The following EGFLAM variants were observed in gnomAD, a reference collection of about 807,000 sequenced individuals.
EGFLAM encodes pikachurin.
Under a neutral mutation model 113.1 loss-of-function variants are expected in EGFLAM, and 79 were observed. The observed-to-expected ratio is 0.70, with a 90% CI of 0.58 to 0.84. The LOEUF (loss-of-function observed/expected upper bound fraction) is 0.84. EGFLAM is among the 40% of genes least tolerant of loss of function. The pLI, the probability that EGFLAM is intolerant of heterozygous loss-of-function variation, is 0.00. For synonymous variants in EGFLAM, 504 were observed against 487.6 expected (o/e 1.03, Z -0.44); for missense variants, 1,265 against 1,291.6 (o/e 0.98, Z 0.32).
chr5:38,318,553 C>T (rs979046668), intron 1 of EGFLAM, among the ~76,000 whole-genome samples: 1 of 151,802 alleles, frequency 6.6e-6, no homozygotes, highest in Non-Finnish European at 1.5e-5. Context: ...TATTCAAACA[C>T]CAGAGGCTGG....
At chr5:38,295,296 C>G (rs1579738891) in intron 1 of EGFLAM, among the ~76,000 whole-genome samples, 2 of 152,088 alleles carry the variant, frequency 1.3e-5, no homozygotes, top group East Asian at 3.9e-4. Context: ...ATTGCAGTGA[C>G]CAGGGCTTTT....
chr5:38,361,864 A>G (rs1739931908), intron 5 of EGFLAM, among the ~76,000 whole-genome samples: 1 of 151,770 alleles, frequency 6.6e-6, no homozygotes, highest in East Asian at 1.9e-4. Flanking sequence ...AGAGATGAAC[A>G]GGTCTGTACA....
At chr5:38,459,216 G>T (rs1483284562) in intron 20 of EGFLAM, among the ~76,000 whole-genome samples, 1 of 152,052 alleles carries the variant, frequency 6.6e-6, no homozygotes, top group Admixed American at 6.5e-5. Context: ...TGTTGCCAGG[G>T]CTGGTCTCAA....
intron 10 of EGFLAM, among the ~76,000 whole-genome samples, 198 bp from the exon 11 acceptor site, chr5:38,412,306 C>T (rs1315035962): frequency 6.6e-6 from 1 of 152,150 alleles, no homozygotes; most frequent in African/African-American, 2.4e-5. Context: ...TGAAAGATAA[C>T]TAGACGGAGA....
At chr5:38,447,887 C>T (rs1456537729) in intron 17 of EGFLAM, among the ~76,000 whole-genome samples, 1 of 152,086 alleles carries the variant, frequency 6.6e-6, no homozygotes, top group African/African-American at 2.4e-5. Context: ...AGCAAATTAG[C>T]TTTCAAGAAT....
At chr5:38,451,166 G>C in intron 18 of EGFLAM, 149 bp from the exon 19 acceptor site, 1 of 1,042,122 alleles carries the variant, frequency 9.6e-7, no homozygotes, top group Non-Finnish European at 1.4e-6. Flanking sequence ...CTTTAGACCC[G>C]TGGTGCGACT....
chr5:38,412,450 A>C, intron 10 of EGFLAM, 54 bp from the exon 11 acceptor site: 1 of 1,613,426 alleles, frequency 6.2e-7, no homozygotes. Flanking sequence ...GGAATCTGAA[A>C]ACATAATGGC....
intron 1 of EGFLAM, among the ~76,000 whole-genome samples, chr5:38,322,271 A>T (rs1738762412): frequency 6.6e-6 from 1 of 152,224 alleles, no homozygotes; most frequent in South Asian, 2.1e-4. Flanking sequence ...CCCAGGGACA[A>T]GGCCACTGAG....
chr5:38,427,311 A>C, intron 14 of EGFLAM, 59 bp downstream of exon 14: 1 of 1,582,796 alleles, frequency 6.3e-7, no homozygotes. Flanking sequence ...TAACTGCTTC[A>C]GAAAAAAACC....
Position 38,407,904 on chromosome 5 carries a change from G to A in EGFLAM, c.1247G>A (p.Arg416Lys), listed in dbSNP as rs754281327. The A allele has an allele frequency of 6.2e-7, 1 of 1,603,330 alleles. No individual in the cohort carries two copies. ...GCATTTCAAATTACTCTTGAATTTA[G>A]GGTAAGAGGGATGTGTTGTTTGATG... ...YQAFQITLEF[R>K]AEAEDGLLLY... The change falls in exon 9 of 22, where the codon AGG (arginine) becomes AAG (lysine). Residue 416 changes from arginine (R) to lysine (K), a missense_variant and splice_region_variant. Physicochemically the swap from Arg to Lys is conservative, Grantham distance 26 (BLOSUM62 2). Coordinates refer to ENST00000322350, the MANE Select transcript of EGFLAM (RefSeq NM_152403.4).
intron 6 of EGFLAM, among the ~76,000 whole-genome samples, 167 bp downstream of exon 6, chr5:38,370,629 A>G (rs1456937260): frequency 2.0e-5 from 3 of 152,248 alleles, no homozygotes; most frequent in African/African-American, 4.8e-5. Context: ...GAGGCTGTCA[A>G]CAGGGACACG....
intron 3 of EGFLAM, among the ~76,000 whole-genome samples, chr5:38,339,995 G>T (rs1234724107): frequency 6.6e-6 from 1 of 152,106 alleles, no homozygotes; most frequent in African/African-American, 2.4e-5. Flanking sequence ...ATTGTCCCTA[G>T]TAGTATCCCC....
chr5:38,363,631 A>T (rs372464233), intron 5 of EGFLAM, among the ~76,000 whole-genome samples: 1 of 152,336 alleles, frequency 6.6e-6, no homozygotes, highest in Admixed American at 6.5e-5. Context: ...TTTTTTATTT[A>T]ATGTATTAAT....
intron 17 of EGFLAM, among the ~76,000 whole-genome samples, chr5:38,446,571 C>T (rs940933575): frequency 8.5e-5 from 13 of 152,268 alleles, no homozygotes; most frequent in African/African-American, 2.9e-4. Context: ...GGGGGTGCAG[C>T]CCCAAACTAA....
At chr5:38,332,641 T>C (rs543942901) in intron 1 of EGFLAM, among the ~76,000 whole-genome samples, 9 of 152,296 alleles carry the variant, frequency 5.9e-5, no homozygotes, top group African/African-American at 2.2e-4. Context: ...GTGATAAGCA[T>C]TATTTCTATA....
intron 1 of EGFLAM, among the ~76,000 whole-genome samples, chr5:38,299,519 G>A (rs1181598123): frequency 6.6e-6 from 1 of 152,236 alleles, no homozygotes; most frequent in Admixed American, 6.5e-5. Context: ...TCATGGGGGC[G>A]GATCCCTCTT....
chr5:38,408,244 C>T (rs962279345), intron 9 of EGFLAM, among the ~76,000 whole-genome samples: 53 of 152,168 alleles, frequency 3.5e-4, no homozygotes, highest in Non-Finnish European at 7.3e-5. Flanking sequence ...ATGCATTCCC[C>T]GTTCCAAAAT....
At chr5:38,386,043 A>C (rs1252750897) in intron 6 of EGFLAM, among the ~76,000 whole-genome samples, 1 of 152,224 alleles carries the variant, frequency 6.6e-6, no homozygotes, top group Non-Finnish European at 1.5e-5. Context: ...CACATGGAAA[A>C]GGTACAGTCA....
At chr5:38,437,867 T>G (rs2112225488) in intron 16 of EGFLAM, among the ~76,000 whole-genome samples, 1 of 152,228 alleles carries the variant, frequency 6.6e-6, no homozygotes, top group South Asian at 2.1e-4. Context: ...CTCACGCCTG[T>G]AATCCCAGCA....
Sources: gnomAD v4.1 joint callset for allele counts (sites outside exome capture counted in the v4.1 genomes callset) on GRCh38, gnomAD v4.1.1 for gene constraint, MANE v1.5 for transcripts, NCBI Gene and HGNC (gene_info 2026-07-23, HGNC 2026-07-21) for gene names.